C16orf89: variants seen among roughly 807,000 people sequenced by gnomAD.
C16orf89 encodes chromosome 16 open reading frame 89, also known as UPF0764 protein C16orf89.
In C16orf89, 57 loss-of-function variants were observed where a neutral mutation model predicts 41.5. That is an observed-to-expected ratio of 1.38 (90% CI 1.11 to 1.71). The LOEUF (loss-of-function observed/expected upper bound fraction) is 1.71, where lower values mean the gene tolerates loss of function less well. Among genes scored for constraint, C16orf89 ranks in the 40% most tolerant of loss-of-function variants. C16orf89 has a pLI of 0.00. For synonymous variants in C16orf89, 223 were observed against 190.6 expected (o/e 1.17, Z -1.40); for missense variants, 575 against 445.9 (o/e 1.29, Z -2.61).
intron 1 of C16orf89, among the ~76,000 whole-genome samples, chr16:5,063,908 C>T (rs1199879132): frequency 1.3e-5 from 2 of 152,174 alleles, no homozygotes; most frequent in African/African-American, 4.8e-5. Context: ...AGGTGGATTA[C>T]TTAAGTCCAG....
In C16orf89 at chr16:5,047,226, G is replaced by C. The variant is rs529861234; in HGVS notation, c.955+652C>G. The stretch of plus-strand genomic sequence containing the variant: ...CCATTCTCCAGCTCTAGGGAGGGTA[G>C]TGGCTTCCTGCAACAGTAAAATCTC... On this transcript the variant is annotated intron_variant, in intron 7 of 7. Coordinates refer to ENST00000472572, the MANE Select transcript of C16orf89 (RefSeq NM_001098514.3). 1.2e-3 allele frequency among the ~76,000 whole-genome samples: 176 copies of C among 152,294 alleles called. 1 individual carries two copies. Among genetic ancestry groups the C allele is most frequent in the Non-Finnish European group, 2.2e-3 (153 of 68,034 alleles).
intron 6 of C16orf89, among the ~76,000 whole-genome samples, chr16:5,053,284 C>T (rs968416975): frequency 1.3e-5 from 2 of 151,988 alleles, no homozygotes; most frequent in Non-Finnish European, 2.9e-5. Context: ...GCAGGAGAAT[C>T]GCTTGTACCT....
intron 4 of C16orf89, among the ~76,000 whole-genome samples, chr16:5,058,153 A>G (rs1462340609): frequency 2.0e-5 from 3 of 151,522 alleles, no homozygotes; most frequent in Non-Finnish European, 4.4e-5. Context: ...TTTGAGGCAG[A>G]GTCTTAGTCC....
chr16:5,057,364 T>C (rs934902333), intron 4 of C16orf89, among the ~76,000 whole-genome samples: 3 of 144,388 alleles, frequency 2.1e-5, no homozygotes, highest in African/African-American at 5.0e-5. Flanking sequence ...TGATTATATA[T>C]ATCGTGATAT....
chr16:5,060,306 C>A lies in C16orf89; in HGVS notation c.489G>T (p.Leu163=), dbSNP rs781469081. The A allele has an allele frequency of 1.2e-6, 2 of 1,610,792 alleles. No homozygotes were observed. The highest frequency in any genetic ancestry group is 1.1e-5 in the South Asian group (1 of 90,688). ...CCCACCCGGTTCCCAGCAGCTGCAC[C>A]AGGCACACGTCACTTCTCTCCTCTG... The part of the protein sequence containing the change: ...SFSEERSDVC[L]VQLLGTGTDS... Residue 163 remains leucine (L), a synonymous_variant, in exon 3 of 8, where the codon CTG becomes CTT. Coordinates refer to ENST00000472572, the MANE Select transcript of C16orf89 (RefSeq NM_001098514.3).
intron 2 of C16orf89, among the ~76,000 whole-genome samples, chr16:5,060,768 G>A (rs746965082): frequency 2.0e-4 from 30 of 152,040 alleles, no homozygotes; most frequent in Admixed American, 1.5e-3. Context: ...GGGAGGCTAA[G>A]GAAGGAAGAT....
chr16:5,055,066 C>T (rs926496771), intron 6 of C16orf89, among the ~76,000 whole-genome samples, 180 bp downstream of exon 6: 1 of 152,188 alleles, frequency 6.6e-6, no homozygotes, highest in Admixed American at 6.5e-5. Context: ...CACATTTTGG[C>T]TTCCAAGGCT....
In C16orf89 at chr16:5,055,338, C is replaced by G; in HGVS notation, c.776G>C (p.Gly259Ala). 3 of 1,611,008 alleles carry G rather than the reference C, an allele frequency of 1.9e-6. No individual in the cohort carries two copies. Among genetic ancestry groups the G allele is most frequent in the Non-Finnish European group, 2.5e-6 (3 of 1,178,342 alleles). The change falls in exon 6 of 8, where the codon GGA becomes GCA. Residue 259 changes from glycine (G) to alanine (A), a missense_variant. Coordinates refer to ENST00000472572, the MANE Select transcript of C16orf89 (RefSeq NM_001098514.3). ...DIFMENIMFC[G>A]MGGFSDFYKL... ...GTAGAAGTCGGAGAAGCCGCCCATTCCACAGAACATGACTGGAAGTAAAGA... is the reference window on the plus strand; with the variant it reads ...GTAGAAGTCGGAGAAGCCGCCCATTGCACAGAACATGACTGGAAGTAAAGA...
chr16:5,058,417 G>A (rs1349660979), intron 4 of C16orf89, 76 bp downstream of exon 4: 2 of 1,320,004 alleles, frequency 1.5e-6, no homozygotes, highest in Non-Finnish European at 2.1e-6. Flanking sequence ...ACAGGCATGA[G>A]CCACCACGTC....
chr16:5,057,998 T>G (rs1322886662), intron 4 of C16orf89, among the ~76,000 whole-genome samples: 2 of 152,122 alleles, frequency 1.3e-5, no homozygotes, highest in Admixed American at 6.6e-5. Flanking sequence ...TCGGCTCAAT[T>G]ACACAGCAGG....
intron 1 of C16orf89, 31 bp downstream of exon 1, chr16:5,065,670 T>G (rs753755552): frequency 5.7e-6 from 9 of 1,586,512 alleles, no homozygotes; most frequent in Admixed American, 3.3e-5. Context: ...AGCTTCCCAG[T>G]GTCCAGCCAG....
chr16:5,057,127 A>C (rs1216440349), intron 4 of C16orf89, among the ~76,000 whole-genome samples: 1 of 151,824 alleles, frequency 6.6e-6, no homozygotes, highest in South Asian at 2.1e-4. Context: ...AATCCCAGCT[A>C]CTTGGGAGGC....
chr16:5,064,865 C>G (rs1337433843), intron 1 of C16orf89, among the ~76,000 whole-genome samples: 1 of 152,190 alleles, frequency 6.6e-6, no homozygotes, highest in Non-Finnish European at 1.5e-5. Context: ...AACCCCCTCC[C>G]TTCTTTGCTA....
chr16:5,053,625 C>T (rs978735263), intron 6 of C16orf89, among the ~76,000 whole-genome samples: 5 of 151,676 alleles, frequency 3.3e-5, no homozygotes, highest in East Asian at 1.9e-4. Flanking sequence ...ACTGCAGCCT[C>T]GGCCTCCTGC....
chr16:5,058,896 A>G (rs1466933400), intron 3 of C16orf89, among the ~76,000 whole-genome samples: 2 of 152,210 alleles, frequency 1.3e-5, no homozygotes, highest in Non-Finnish European at 2.9e-5. Flanking sequence ...AGCCCCGAAC[A>G]GTGGGTACTT....
chr16:5,060,810 G>A (rs781028627), intron 2 of C16orf89, among the ~76,000 whole-genome samples: 3 of 152,006 alleles, frequency 2.0e-5, no homozygotes, highest in Non-Finnish European at 4.4e-5. Context: ...GACCAGCCTA[G>A]GCAACATAGC....
downstream of C16orf89, chr16:5,044,053 A>C: frequency 1.1e-6 from 1 of 895,304 alleles, no homozygotes; most frequent in Non-Finnish European, 1.4e-6. Context: ...GTGGGATTGG[A>C]GAGTTGAAAC....
chr16:5,053,185 CA>C (rs906783887), intron 6 of C16orf89, among the ~76,000 whole-genome samples: 4 of 152,076 alleles, frequency 2.6e-5, no homozygotes, highest in African/African-American at 9.7e-5. Context: ...GCATGGCCAA[CA>C]TGGTGAAACC....
chr16:5,055,912 T>G (rs866338204), intron 5 of C16orf89, 141 bp downstream of exon 5: 42 of 1,283,520 alleles, frequency 3.3e-5, no homozygotes, highest in Middle Eastern at 2.6e-4. Context: ...GCACTCTGTA[T>G]TTTTACTTGC....
Sources: allele counts gnomAD v4.1 joint callset (sites outside exome capture counted in the v4.1 genomes callset), GRCh38; gene constraint gnomAD v4.1.1; transcripts MANE v1.5; gene names NCBI Gene and HGNC (gene_info 2026-07-23, HGNC 2026-07-21).